SVOP: variants seen among roughly 807,000 people sequenced by gnomAD.
The protein encoded by SVOP is SV2 related protein.
Under a neutral mutation model 69.1 loss-of-function variants are expected in SVOP, and 17 were observed. That is an observed-to-expected ratio of 0.25 (90% CI 0.17 to 0.37). The LOEUF is 0.37. Among genes scored for constraint, SVOP ranks in the 10% least tolerant of loss-of-function variants. The pLI is 1.00. For synonymous variants in SVOP, 238 were observed against 238.6 expected (o/e 1.00, Z 0.02); for missense variants, 435 against 597.5 (o/e 0.73, Z 2.84).
intron 6 of SVOP, among the ~76,000 whole-genome samples, chr12:108,946,276 T>TA (rs2039922430): frequency 6.6e-6 from 1 of 151,788 alleles, no homozygotes; most frequent in East Asian, 1.9e-4. Context: ...TTTTTTTTTT[T>TA]AATTGTGGAG....
At chr12:108,975,517 C>T (rs1006343597) in intron 4 of SVOP, among the ~76,000 whole-genome samples, 1 of 152,180 alleles carries the variant, frequency 6.6e-6, no homozygotes, top group African/African-American at 2.4e-5. Context: ...CCTCAGTTTC[C>T]TTATCTGTAG....
At chr12:108,922,279 T>C (rs2039753301) in intron 12 of SVOP, among the ~76,000 whole-genome samples, 1 of 152,220 alleles carries the variant, frequency 6.6e-6, no homozygotes, top group African/African-American at 2.4e-5. Context: ...TATAAAATAT[T>C]TGGGTTCCCT....
intron 5 of SVOP, among the ~76,000 whole-genome samples, chr12:108,964,205 A>G (rs1382334505): frequency 6.6e-6 from 1 of 152,072 alleles, no homozygotes; most frequent in African/African-American, 2.4e-5. Context: ...AATTAAATCA[A>G]AAAAAAGAAA....
At chr12:108,943,419 A>G (rs1385972943) in intron 7 of SVOP, among the ~76,000 whole-genome samples, 1 of 151,646 alleles carries the variant, frequency 6.6e-6, no homozygotes, top group African/African-American at 2.4e-5. Flanking sequence ...AAGATGGTAA[A>G]ACTTGTCTCT....
intron 1 of SVOP, among the ~76,000 whole-genome samples, chr12:109,013,822 A>G (rs2040354721): frequency 4.0e-5 from 6 of 151,836 alleles, no homozygotes; most frequent in Admixed American, 3.3e-4. Context: ...AGTACCATTA[A>G]ACACCAACTC....
intron 1 of SVOP, among the ~76,000 whole-genome samples, chr12:109,008,085 A>T (rs1378315699): frequency 1.3e-5 from 2 of 151,290 alleles, no homozygotes; most frequent in Non-Finnish European, 3.0e-5. Context: ...GAGGCTGGAG[A>T]GGTTACACCA....
chr12:108,971,963 A>G (rs1261800565), intron 5 of SVOP, among the ~76,000 whole-genome samples: 1 of 152,020 alleles, frequency 6.6e-6, no homozygotes, highest in Non-Finnish European at 1.5e-5. Flanking sequence ...CTAAGGTGGG[A>G]GGATTGCTTG....
chr12:108,957,353 G>A (rs1042659826), intron 6 of SVOP, among the ~76,000 whole-genome samples: 13 of 152,042 alleles, frequency 8.6e-5, no homozygotes, highest in East Asian at 1.9e-4. Context: ...TAGTAGAGAC[G>A]GGATTTCACT....
intron 11 of SVOP, among the ~76,000 whole-genome samples, chr12:108,927,589 C>CT (rs10679632): frequency 0.012 from 1,627 of 131,240 alleles, 51 homozygotes; most frequent in African/African-American, 0.042. Context: ...CTCTCTCTCT[C>CT]TTTTTTTTTT....
Position 108,909,645 on chromosome 12 carries a change from A to C in SVOP, c.*2890T>G, listed in dbSNP as rs1281599472. 6.6e-6 allele frequency: 1 copy of C among 152,214 alleles called. No individual in the cohort carries two copies. The highest frequency in any genetic ancestry group is 1.5e-5 in the Non-Finnish European group (1 of 68,036). 9.4% of individuals were successfully genotyped at this position (152,214 alleles called of 1,614,324 possible). On this transcript the variant is annotated 3_prime_UTR_variant, in exon 16 of 16. Coordinates refer to ENST00000610966, the MANE Select transcript of SVOP (RefSeq NM_018711.5). Reference sequence around the variant, plus strand: ...AAGATACTGTTTCATCCCATTGTGAACACCACCAAGGTCAGTTATATGTTT... The same window carrying C: ...AAGATACTGTTTCATCCCATTGTGACCACCACCAAGGTCAGTTATATGTTT...
At position 108,966,183 on chromosome 12, in the gene SVOP, C is replaced by T. The variant is rs144017627; in HGVS notation, c.454-5136G>A. Among the ~76,000 whole-genome samples, 49 of 152,156 alleles carry T rather than the reference C, an allele frequency of 3.2e-4. No homozygotes were observed. In the East Asian group the frequency reaches 8.9e-3, roughly 28 times the overall value. ...GCCTGGCTACATTTTCTTATTTAAT[C>T]CCCCCATTAAAGTGCCTATTATGGA... On this transcript the variant is annotated intron_variant, in intron 5 of 15. Coordinates refer to ENST00000610966, the MANE Select transcript of SVOP (RefSeq NM_018711.5).
chr12:108,945,281 A>G, intron 6 of SVOP, 115 bp from the exon 7 acceptor site: 2 of 929,074 alleles, frequency 2.2e-6, no homozygotes, highest in South Asian at 2.9e-5. Flanking sequence ...TGAACCACTT[A>G]CATCAGAATT....
In SVOP at chr12:108,931,830, C is replaced by A. The variant is rs1593181260; in HGVS notation, c.1048+2365G>T. Among the ~76,000 whole-genome samples the A allele has an allele frequency of 3.4e-5, 3 of 87,982 alleles. No individual in the cohort carries two copies. The South Asian group carries it at 1.5e-3, about 45-fold the overall frequency. The allele number at this position is 87,982 out of a possible 152,430, so 57.7% of individuals were successfully genotyped here. A position where few individuals can be genotyped will look rare whatever the true frequency, so the allele number is the denominator to read the frequency against. On this transcript the variant is annotated intron_variant, in intron 11 of 15. Coordinates refer to ENST00000610966, the MANE Select transcript of SVOP (RefSeq NM_018711.5). Reference sequence around the variant, plus strand: ...GCCTGGCGACTGAGCGAGACTCCGTCTCAAAAAAAAAAAAAAAAATGCTTC... The same window carrying A: ...GCCTGGCGACTGAGCGAGACTCCGTATCAAAAAAAAAAAAAAAAATGCTTC...
intron 5 of SVOP, among the ~76,000 whole-genome samples, chr12:108,970,536 C>T (rs970472174): frequency 5.3e-5 from 8 of 152,214 alleles, no homozygotes; most frequent in Non-Finnish European, 1.0e-4. Flanking sequence ...CTCACTTCTT[C>T]CTTCCTAACA....
chr12:108,977,588 A>AT, intron 3 of SVOP, 92 bp from the exon 4 acceptor site: 1 of 794,400 alleles, frequency 1.3e-6, no homozygotes. Flanking sequence ...CAGAGACTGT[A>AT]GCACACCCCT....
intron 2 of SVOP, among the ~76,000 whole-genome samples, chr12:108,982,075 TTCA>T (rs1344097372): frequency 6.2e-5 from 9 of 145,172 alleles, no homozygotes; most frequent in East Asian, 2.2e-4. Flanking sequence ...AACCACCATC[TTCA>T]TCATCATCAC....
intron 1 of SVOP, among the ~76,000 whole-genome samples, chr12:109,005,776 G>A (rs753688572): frequency 2.6e-5 from 4 of 152,170 alleles, no homozygotes; most frequent in African/African-American, 4.8e-5. Context: ...GACAAAGACA[G>A]TCCCACACAA....
chr12:109,020,629 A>G (rs1255774080), intron 1 of SVOP, among the ~76,000 whole-genome samples: 1 of 152,056 alleles, frequency 6.6e-6, no homozygotes, highest in Non-Finnish European at 1.5e-5. Flanking sequence ...AGATCTGATA[A>G]ATGGAACTGA....
chr12:108,937,799 G>A (rs760275853), intron 9 of SVOP, among the ~76,000 whole-genome samples: 1 of 152,230 alleles, frequency 6.6e-6, no homozygotes, highest in Non-Finnish European at 1.5e-5. Flanking sequence ...CTAAATGACC[G>A]ATTGGCCAAT....
Sources: allele counts gnomAD v4.1 joint callset (sites outside exome capture counted in the v4.1 genomes callset), GRCh38; gene constraint gnomAD v4.1.1; transcripts MANE v1.5; gene names NCBI Gene and HGNC (gene_info 2026-07-23, HGNC 2026-07-21).